The following TSPAN5 variants were observed in gnomAD, a reference collection of about 807,000 sequenced individuals.
TSPAN5 encodes the protein tetraspanin-5.
In TSPAN5, 10 loss-of-function variants were observed where a neutral mutation model predicts 37.1. The ratio of observed to expected loss-of-function variants is 0.27; its 90% CI spans 0.17 to 0.46. The LOEUF (loss-of-function observed/expected upper bound fraction) is 0.46. Ranked by LOEUF, TSPAN5 falls within the 20% of genes least tolerant of loss-of-function variation. The pLI is 1.00. For synonymous variants in TSPAN5, 110 were observed against 118.9 expected (o/e 0.93, Z 0.48); for missense variants, 195 against 326.6 (o/e 0.60, Z 3.11).
At chr4:98,536,211 C>T (rs1352247884) in intron 1 of TSPAN5, among the ~76,000 whole-genome samples, 2 of 151,968 alleles carry the variant, frequency 1.3e-5, no homozygotes, top group Admixed American at 6.6e-5. Flanking sequence ...CAGATGGGGT[C>T]TTTAAGCAGA....
intron 1 of TSPAN5, among the ~76,000 whole-genome samples, chr4:98,549,706 T>C (rs912070508): frequency 2.0e-5 from 3 of 152,146 alleles, no homozygotes; most frequent in Non-Finnish European, 4.4e-5. Flanking sequence ...GTGTTCATGT[T>C]TTTTGCTCAC....
At chr4:98,533,565 T>TTTTTTTTTTTTTTTTTTTTTTTTTTTTG (rs1754153101) in intron 1 of TSPAN5, among the ~76,000 whole-genome samples, 1 of 132,378 alleles carries the variant, frequency 7.6e-6, no homozygotes, top group Non-Finnish European at 1.6e-5. Flanking sequence ...TTTTTTTTTT[T>TTTTTTTTTTTTTTTTTTTTTTTTTTTTG]CTTGAGACAG....
At chr4:98,491,017 G>A (rs964260205) in intron 2 of TSPAN5, among the ~76,000 whole-genome samples, 1 of 151,702 alleles carries the variant, frequency 6.6e-6, no homozygotes, top group African/African-American at 2.4e-5. Context: ...AGCCGATATC[G>A]CACCACTGCA....
chr4:98,501,060 CTAAG>C (rs746303809), intron 2 of TSPAN5, among the ~76,000 whole-genome samples: 17 of 152,114 alleles, frequency 1.1e-4, no homozygotes, highest in Admixed American at 6.6e-4. Context: ...CACTTAAGAA[CTAAG>C]TAATAAGCAT....
At chr4:98,537,402 C>T (rs543629759) in intron 1 of TSPAN5, among the ~76,000 whole-genome samples, 11 of 152,174 alleles carry the variant, frequency 7.2e-5, no homozygotes, top group Non-Finnish European at 1.5e-4. Flanking sequence ...GAGTCGATCT[C>T]GCTGGGAGCT....
At chr4:98,586,624 C>T (rs1056970895) in intron 1 of TSPAN5, among the ~76,000 whole-genome samples, 2 of 152,294 alleles carry the variant, frequency 1.3e-5, no homozygotes, top group African/African-American at 4.8e-5. Context: ...AATGATTTTC[C>T]TTTGGCAATG....
chr4:98,548,886 GGT>G (rs142527701), intron 1 of TSPAN5, among the ~76,000 whole-genome samples: 3,438 of 57,174 alleles, frequency 0.06, 37 homozygotes, highest in Non-Finnish European at 0.1. Flanking sequence ...AGTATTCCAA[GGT>G]GTGTGTGTGT....
rs375149252 is a variant in TSPAN5, at chr4:98,494,565, A to G, written c.133-7681T>C. Among the ~76,000 whole-genome samples the G allele has an allele frequency of 1.2e-4, 18 of 152,050 alleles. 1 individual carries two copies. Among genetic ancestry groups the G allele is most frequent in the African/African-American group, 4.3e-4 (18 of 41,508 alleles). ...CTAAGGTTATTATGAGGATGATGGA[A>G]ACAATCCAAGTAAATCCAAACACGA... On this transcript the variant is annotated intron_variant, in intron 2 of 7. Transcript: ENST00000305798.
At chr4:98,477,533 G>T (rs1752731023) in intron 5 of TSPAN5, among the ~76,000 whole-genome samples, 1 of 152,168 alleles carries the variant, frequency 6.6e-6, no homozygotes, top group African/African-American at 2.4e-5. Flanking sequence ...GGCGAGCCTT[G>T]GGGAGTACAT....
At chr4:98,643,457 C>T (rs942852891) in intron 1 of TSPAN5, among the ~76,000 whole-genome samples, 2 of 152,022 alleles carry the variant, frequency 1.3e-5, no homozygotes, top group Non-Finnish European at 2.9e-5. Flanking sequence ...ATTTAATAAG[C>T]ATCAAGGATA....
chr4:98,638,348 T>C (rs1278197264), intron 1 of TSPAN5, among the ~76,000 whole-genome samples: 1 of 152,174 alleles, frequency 6.6e-6, no homozygotes, highest in Non-Finnish European at 1.5e-5. Context: ...ATGAAATGCC[T>C]GTGAAGCCTT....
chr4:98,490,884 C>A (rs988974522), intron 2 of TSPAN5, among the ~76,000 whole-genome samples: 1 of 151,866 alleles, frequency 6.6e-6, no homozygotes, highest in East Asian at 1.9e-4. Context: ...CATGGTGAAA[C>A]CCCCCGTCTC....
At chr4:98,569,698 G>A (rs1755078988) in intron 1 of TSPAN5, among the ~76,000 whole-genome samples, 1 of 152,220 alleles carries the variant, frequency 6.6e-6, no homozygotes, top group Admixed American at 6.5e-5. Context: ...GACTCAGAGT[G>A]GGGCCCCCAC....
At chr4:98,598,410 G>A (rs1157884000) in intron 1 of TSPAN5, among the ~76,000 whole-genome samples, 3 of 150,866 alleles carry the variant, frequency 2.0e-5, no homozygotes, top group Non-Finnish European at 1.5e-5. Flanking sequence ...CGTCGCTCAC[G>A]CTGGGAGCTG....
At chr4:98,549,142 G>A (rs111414416) in intron 1 of TSPAN5, among the ~76,000 whole-genome samples, 68 of 152,262 alleles carry the variant, frequency 4.5e-4, no homozygotes, top group African/African-American at 1.6e-3. Context: ...CACTGAGGTT[G>A]TACTAACGTA....
At chr4:98,623,445 G>A (rs1391717731) in intron 1 of TSPAN5, among the ~76,000 whole-genome samples, 1 of 152,186 alleles carries the variant, frequency 6.6e-6, no homozygotes, top group Non-Finnish European at 1.5e-5. Flanking sequence ...CAAAAGATGA[G>A]AATCCTATGA....
At chr4:98,525,184 T>A (rs528357536) in intron 1 of TSPAN5, among the ~76,000 whole-genome samples, 1 of 152,344 alleles carries the variant, frequency 6.6e-6, no homozygotes, top group Non-Finnish European at 1.5e-5. Context: ...TAAAATCTTA[T>A]CACTAGGTTC....
chr4:98,612,759 C>T (rs28530793), intron 1 of TSPAN5, among the ~76,000 whole-genome samples: 2,369 of 152,286 alleles, frequency 0.016, 47 homozygotes, highest in African/African-American at 0.055. Context: ...TTCAAACCCA[C>T]CAAGCCCTCT....
intron 1 of TSPAN5, among the ~76,000 whole-genome samples, chr4:98,519,368 A>G (rs1044383578): frequency 1.3e-5 from 2 of 152,042 alleles, no homozygotes; most frequent in African/African-American, 4.8e-5. Context: ...GCATGGTGGT[A>G]TGTGTCTGTG....
Sources: gnomAD v4.1 joint callset for allele counts (sites outside exome capture counted in the v4.1 genomes callset) on GRCh38, gnomAD v4.1.1 for gene constraint, MANE v1.5 for transcripts, NCBI Gene and HGNC (gene_info 2026-07-23, HGNC 2026-07-21) for gene names.